TAMM41: variants seen among roughly 807,000 people sequenced by gnomAD.
TAMM41 encodes the protein TAM41 mitochondrial translocator assembly and maintenance homolog.
Under a neutral mutation model 44.1 loss-of-function variants are expected in TAMM41, and 36 were observed. The ratio of observed to expected loss-of-function variants is 0.82; its 90% CI spans 0.63 to 1.08. The LOEUF is 1.08. TAMM41 is among the 50% of genes least tolerant of loss of function. The pLI is 0.00. For missense variants in TAMM41, 417 were observed against 404.3 expected (o/e 1.03, Z -0.27); for synonymous variants, 164 against 153.1 (o/e 1.07, Z -0.53).
chr3:11,768,819 C>G, the TAMM41 span, among the ~76,000 whole-genome samples: 4 of 152,202 alleles, frequency 2.6e-5, no homozygotes, highest in Non-Finnish European at 5.9e-5. Context: ...ATTGCGGTCG[C>G]AGATGGTTAT....
chr3:11,737,092 A>G, the TAMM41 span, among the ~76,000 whole-genome samples: 1 of 151,814 alleles, frequency 6.6e-6, no homozygotes, highest in Admixed American at 6.6e-5. Context: ...ACTTTCTCGG[A>G]CTGATTCTCC....
the TAMM41 span, among the ~76,000 whole-genome samples, chr3:11,744,696 GA>G: frequency 6.6e-6 from 1 of 150,700 alleles, no homozygotes; most frequent in African/African-American, 2.4e-5. Context: ...CTTTGTCTCA[GA>G]AAAAAAAGAA....
chr3:11,733,647 C>T, the TAMM41 span, among the ~76,000 whole-genome samples: 1 of 152,018 alleles, frequency 6.6e-6, no homozygotes, highest in Admixed American at 6.6e-5. Context: ...TGCCCGCCAC[C>T]ACACCGGGCT....
At chr3:11,726,887 A>G in the TAMM41 span, among the ~76,000 whole-genome samples, 1 of 152,094 alleles carries the variant, frequency 6.6e-6, no homozygotes, top group Non-Finnish European at 1.5e-5. Context: ...GAGGAGCGCT[A>G]AAAATCCCAT....
At chr3:11,761,365 C>T in the TAMM41 span, among the ~76,000 whole-genome samples, 8 of 152,162 alleles carry the variant, frequency 5.3e-5, no homozygotes, top group Non-Finnish European at 1.2e-4. Context: ...TTCTCTGCTG[C>T]GCTCCATCTT....
chr3:11,800,708 A>C (rs1460276662), intron 7 of TAMM41, among the ~76,000 whole-genome samples: 1 of 152,188 alleles, frequency 6.6e-6, no homozygotes, highest in Admixed American at 6.5e-5. Context: ...AGATAGCAAC[A>C]CAATAACAGT....
chr3:11,735,306 T>TA, the TAMM41 span, among the ~76,000 whole-genome samples: 1 of 151,730 alleles, frequency 6.6e-6, no homozygotes, highest in Non-Finnish European at 1.5e-5. Flanking sequence ...TGCAGTGAGT[T>TA]ACGACTGCGC....
chr3:11,789,298 A>G (rs1229380474), downstream of TAMM41, among the ~76,000 whole-genome samples: 1 of 152,234 alleles, frequency 6.6e-6, no homozygotes, highest in African/African-American at 2.4e-5. Flanking sequence ...TAAACAAAAA[A>G]TAAGTAGACA....
At chr3:11,805,430 T>C (rs1211460843) in intron 7 of TAMM41, among the ~76,000 whole-genome samples, 1 of 151,512 alleles carries the variant, frequency 6.6e-6, no homozygotes, top group African/African-American at 2.4e-5. Flanking sequence ...AGCCACCGCA[T>C]CTGGCCTATT....
intron 7 of TAMM41, chr3:11,807,406 A>T: frequency 1.3e-6 from 2 of 1,528,528 alleles, no homozygotes; most frequent in African/African-American, 2.8e-5. Context: ...AGGAGCAACG[A>T]AAACTTACCA....
chr3:11,756,823 C>G, the TAMM41 span, among the ~76,000 whole-genome samples: 24,565 of 148,738 alleles, frequency 0.17, 2,179 homozygotes, highest in Non-Finnish European at 0.2. Context: ...TGAGATTGCG[C>G]CACTGCACTC....
At chr3:11,804,996 C>CTTTTGT (rs2077860583) in intron 7 of TAMM41, among the ~76,000 whole-genome samples, 1 of 103,082 alleles carries the variant, frequency 9.7e-6, no homozygotes, top group African/African-American at 4.1e-5. Flanking sequence ...ACGCCCAGCC[C>CTTTTGT]TTTTTTTTTT....
At chr3:11,764,765 C>T in the TAMM41 span, among the ~76,000 whole-genome samples, 45,760 of 151,742 alleles carry the variant, frequency 0.3, 7,893 homozygotes, top group African/African-American at 0.48. Context: ...GTGCTGGGAT[C>T]ACAGGCTTGA....
At chr3:11,784,138 C>T in the TAMM41 span, among the ~76,000 whole-genome samples, 3 of 152,162 alleles carry the variant, frequency 2.0e-5, no homozygotes, top group African/African-American at 7.2e-5. Context: ...GAAGTACAGG[C>T]TGAGGGCAAC....
the TAMM41 span, among the ~76,000 whole-genome samples, chr3:11,764,596 C>T: frequency 1.3e-5 from 2 of 149,892 alleles, no homozygotes; most frequent in Admixed American, 1.3e-4. Context: ...ACGTTCACGC[C>T]ATTCTCCTGC....
At chr3:11,829,656 G>T (rs750769899) in intron 4 of TAMM41, 58 bp downstream of exon 4, 4 of 1,580,912 alleles carry the variant, frequency 2.5e-6, no homozygotes, top group Non-Finnish European at 3.5e-6. Context: ...CAGGATATCC[G>T]CAGTCTTCAA....
chr3:11,769,439 G>A, the TAMM41 span, among the ~76,000 whole-genome samples: 1 of 151,508 alleles, frequency 6.6e-6, no homozygotes, highest in Non-Finnish European at 1.5e-5. Flanking sequence ...CAGCCAGTTG[G>A]ATGGATTAAG....
In TAMM41 at chr3:11,829,829, A is replaced by G; in HGVS notation, c.447T>C (p.Leu149=). 6.2e-7 allele frequency: 1 copy of G among 1,614,214 alleles called. No individual in the cohort carries two copies. The highest frequency in any genetic ancestry group is 1.7e-5 in the Admixed American group (1 of 60,022). Residue 149 remains leucine, a synonymous_variant, in exon 4 of 8, where the codon CTT becomes CTC. Coordinates refer to ENST00000455809, the MANE Select transcript of TAMM41 (RefSeq NM_001284401.2). ...KIISVNEDVT[L]RSALDRNLKS... is the part of the protein sequence containing the mutation. ...TCAGATTTCTATCGAGGGCTGATCT[A>G]AGAGTGACATCCTCGTTCACTGAGA...
At chr3:11,751,632 C>T in the TAMM41 span, among the ~76,000 whole-genome samples, 35 of 152,290 alleles carry the variant, frequency 2.3e-4, no homozygotes, top group African/African-American at 6.5e-4. Context: ...GGGCCACCAG[C>T]GTATTTCCTC....
Sources: gnomAD v4.1 joint callset for allele counts (sites outside exome capture counted in the v4.1 genomes callset) on GRCh38, gnomAD v4.1.1 for gene constraint, MANE v1.5 for transcripts, NCBI Gene and HGNC (gene_info 2026-07-23, HGNC 2026-07-21) for gene names.